The following NALF1 variants were observed in gnomAD, a reference collection of about 807,000 sequenced individuals.
The protein encoded by NALF1 is NALCN channel auxiliary factor 1, also known as family with sequence similarity 155 member A.
In NALF1, 3 loss-of-function variants were observed where a neutral mutation model predicts 48.4. That is an observed-to-expected ratio of 0.06 (90% confidence interval 0.03 to 0.16). The LOEUF (loss-of-function observed/expected upper bound fraction) is 0.16, where lower values mean the gene tolerates loss of function less well. Ranked by LOEUF, NALF1 falls within the 10% of genes least tolerant of loss-of-function variation. The pLI is 1.00. For synonymous variants in NALF1, 262 were observed against 245.7 expected (o/e 1.07, Z -0.62); for missense variants, 526 against 571.5 (o/e 0.92, Z 0.81).
intron 1 of NALF1, among the ~76,000 whole-genome samples, chr13:107,780,101 G>T (rs1214606108): frequency 7.2e-6 from 1 of 138,444 alleles, no homozygotes; most frequent in East Asian, 2.1e-4. Flanking sequence ...TTGTGTTGTT[G>T]TTATTGCAGA....
chr13:107,633,292 T>C (rs2138450499), intron 1 of NALF1, among the ~76,000 whole-genome samples: 1 of 152,194 alleles, frequency 6.6e-6, no homozygotes, highest in South Asian at 2.1e-4. Flanking sequence ...AAAATATTTT[T>C]AAAAATTGTG....
intron 1 of NALF1, among the ~76,000 whole-genome samples, chr13:107,742,942 G>A (rs562050214): frequency 6.6e-6 from 1 of 152,216 alleles, no homozygotes; most frequent in Non-Finnish European, 1.5e-5. Flanking sequence ...GCCTGGAGGA[G>A]TATGGCAGTG....
chr13:107,494,532 G>A (rs1356306375), intron 1 of NALF1, among the ~76,000 whole-genome samples: 1 of 152,168 alleles, frequency 6.6e-6, no homozygotes. Flanking sequence ...AGGCCCTGAT[G>A]TTCACGACCA....
At chr13:107,515,983 T>C (rs1876037946) in intron 1 of NALF1, among the ~76,000 whole-genome samples, 1 of 152,164 alleles carries the variant, frequency 6.6e-6, no homozygotes, top group East Asian at 1.9e-4. Flanking sequence ...CTAAGTAGAA[T>C]ATAGAATGAA....
intron 1 of NALF1, among the ~76,000 whole-genome samples, chr13:107,810,853 G>A (rs10508193): frequency 0.05 from 7,625 of 152,008 alleles, 575 homozygotes; most frequent in East Asian, 0.39. Flanking sequence ...TGTTGCTTTC[G>A]CATATTGGTC....
chr13:107,506,019 A>G (rs1442935149), intron 1 of NALF1, among the ~76,000 whole-genome samples: 1 of 152,176 alleles, frequency 6.6e-6, no homozygotes, highest in Non-Finnish European at 1.5e-5. Context: ...CTTTATGGGT[A>G]ATTTACTTGA....
At chr13:107,626,432 AAGG>A (rs1879675766) in intron 1 of NALF1, among the ~76,000 whole-genome samples, 1 of 152,098 alleles carries the variant, frequency 6.6e-6, no homozygotes, top group Non-Finnish European at 1.5e-5. Context: ...CAAAAGAAGA[AAGG>A]AAATCAATAG....
intron 1 of NALF1, among the ~76,000 whole-genome samples, chr13:107,839,288 T>C (rs569414760): frequency 6.7e-6 from 1 of 150,206 alleles, no homozygotes; most frequent in Admixed American, 6.7e-5. Flanking sequence ...CCTAACATCT[T>C]CACTTTATCC....
intron 1 of NALF1, among the ~76,000 whole-genome samples, chr13:107,801,308 A>G (rs1204399234): frequency 6.6e-6 from 1 of 152,210 alleles, no homozygotes; most frequent in Non-Finnish European, 1.5e-5. Context: ...TAGAAAGCAT[A>G]GCAATAAGAC....
At chr13:107,236,671 G>GTCTGTCTATCTA (rs1430062997) in intron 1 of NALF1, among the ~76,000 whole-genome samples, 27 of 140,720 alleles carry the variant, frequency 1.9e-4, no homozygotes, top group East Asian at 1.1e-3. Flanking sequence ...CCATCTGTCT[G>GTCTGTCTATCTA]TCTATCTATC....
intron 1 of NALF1, among the ~76,000 whole-genome samples, chr13:107,476,717 A>G (rs1885181301): frequency 6.6e-6 from 1 of 152,046 alleles, no homozygotes; most frequent in African/African-American, 2.4e-5. Flanking sequence ...TGCATTTAAT[A>G]TCATAAGGTT....
At chr13:107,233,014 C>G (rs1880259295) in intron 1 of NALF1, among the ~76,000 whole-genome samples, 1 of 152,156 alleles carries the variant, frequency 6.6e-6, no homozygotes, top group Non-Finnish European at 1.5e-5. Context: ...AAACGGACCA[C>G]CTTCAGTCCC....
intron 1 of NALF1, among the ~76,000 whole-genome samples, chr13:107,767,672 A>G (rs764772824): frequency 1.3e-5 from 2 of 152,314 alleles, no homozygotes; most frequent in East Asian, 1.9e-4. Context: ...TTTTTCCCCA[A>G]TATATTTCAC....
At chr13:107,535,904 G>A (rs1465841063) in intron 1 of NALF1, among the ~76,000 whole-genome samples, 6 of 152,064 alleles carry the variant, frequency 3.9e-5, no homozygotes, top group Admixed American at 3.9e-4. Flanking sequence ...ACAGAACAGA[G>A]CCCTCAGTAA....
intron 1 of NALF1, among the ~76,000 whole-genome samples, chr13:107,709,423 T>C (rs575313100): frequency 1.6e-4 from 25 of 152,332 alleles, no homozygotes; most frequent in Non-Finnish European, 2.8e-4. Flanking sequence ...GGATAATTCA[T>C]GACACCCTCT....
chr13:107,813,356 G>GAAAC (rs1879057270), intron 1 of NALF1, among the ~76,000 whole-genome samples: 1 of 152,046 alleles, frequency 6.6e-6, no homozygotes, highest in Non-Finnish European at 1.5e-5. Context: ...AAAACGTAAA[G>GAAAC]AAACAACACA....
At chr13:107,643,791 C>G (rs1880229609) in intron 1 of NALF1, among the ~76,000 whole-genome samples, 1 of 152,048 alleles carries the variant, frequency 6.6e-6, no homozygotes, top group Non-Finnish European at 1.5e-5. Context: ...AATCATTTGA[C>G]TCAAACTAAA....
At chr13:107,332,832 GTTTGTT>G (rs1230319836) in intron 1 of NALF1, among the ~76,000 whole-genome samples, 28 of 151,868 alleles carry the variant, frequency 1.8e-4, no homozygotes, top group African/African-American at 5.5e-4. Context: ...TTTTTTGTTT[GTTTGTT>G]TTTGTTTTTG....
At chr13:107,516,816 A>G (rs1400633220) in intron 1 of NALF1, among the ~76,000 whole-genome samples, 3 of 152,174 alleles carry the variant, frequency 2.0e-5, no homozygotes, top group Non-Finnish European at 2.9e-5. Context: ...ATTCACTGAT[A>G]TTTTCCCAAA....
Sources: allele counts gnomAD v4.1 joint callset (sites outside exome capture counted in the v4.1 genomes callset), GRCh38; gene constraint gnomAD v4.1.1; transcripts MANE v1.5; gene names NCBI Gene and HGNC (gene_info 2026-07-23, HGNC 2026-07-21).